Variants in HAVCR2 observed in about 807,000 individuals in gnomAD.
The protein encoded by HAVCR2 is hepatitis A virus cellular receptor 2.
HAVCR2 carries 13 observed loss-of-function variants against 24.7 expected under a neutral mutation model. The observed-to-expected ratio is 0.53, with a 90% confidence interval of 0.34 to 0.84. The LOEUF is 0.84. Ranked by LOEUF, HAVCR2 falls within the 40% of genes least tolerant of loss-of-function variation. The pLI is 0.01. For missense variants in HAVCR2, 343 were observed against 371.2 expected (o/e 0.92, Z 0.62); for synonymous variants, 154 against 143.4 (o/e 1.07, Z -0.53).
intron 6 of HAVCR2, 79 bp from the exon 7 acceptor site, chr5:157,087,373 A>G: frequency 8.1e-7 from 1 of 1,237,580 alleles, no homozygotes; most frequent in Non-Finnish European, 1.1e-6. Flanking sequence ...AGGCTTTCCC[A>G]AAGAGACAGC....
rs768344301 is a variant in HAVCR2 at position 157,106,967 on chromosome 5, A to G, written c.59-5T>C. ...TGTATTCCACTTCTGAGGACCCTGC[A>G]TAGAGAGAGAAGGAGAGCCAAGACT... On this transcript the variant is annotated splice_polypyrimidine_tract_variant and splice_region_variant and intron_variant, in intron 1 of 6. Transcript: ENST00000307851. 1 of 1,602,482 alleles carries G rather than the reference A, an allele frequency of 6.2e-7. No individual in the cohort carries two copies. Among genetic ancestry groups the G allele is most frequent in the Non-Finnish European group, 8.5e-7 (1 of 1,172,962 alleles).
chr5:157,096,197 G>A (rs898743024), intron 4 of HAVCR2, among the ~76,000 whole-genome samples: 4 of 125,226 alleles, frequency 3.2e-5, no homozygotes, highest in South Asian at 2.6e-4. Flanking sequence ...GCCACTGCAC[G>A]CCAACCTGGG....
intron 3 of HAVCR2, among the ~76,000 whole-genome samples, chr5:157,101,816 C>G (rs1581761245): frequency 6.6e-6 from 1 of 150,742 alleles, no homozygotes; most frequent in East Asian, 1.9e-4. Flanking sequence ...CTCTGTTGCC[C>G]AGGTTTGGAG....
At chr5:157,097,975 T>A (rs1039507764) in intron 4 of HAVCR2, among the ~76,000 whole-genome samples, 11 of 151,994 alleles carry the variant, frequency 7.2e-5, no homozygotes, top group Non-Finnish European at 1.5e-4. Context: ...TATTTATAGT[T>A]AAATACATAA....
chr5:157,094,281 C>A (rs2113687465), intron 5 of HAVCR2, among the ~76,000 whole-genome samples: 1 of 152,102 alleles, frequency 6.6e-6, no homozygotes, highest in East Asian at 1.9e-4. Context: ...CTGGGCTCAA[C>A]TGATCCTCTC....
In HAVCR2 at chr5:157,096,529, A is replaced by C. The variant is rs551394867; in HGVS notation, c.523-1070T>G. On this transcript the variant is annotated intron_variant, in intron 4 of 6. Transcript: ENST00000307851. ...TGCGGTGGCTCACGCCTGTAGTCCC[A>C]GCACTTTGGGAGGCCAAGGCAGGCA... Among the ~76,000 whole-genome samples, 34 of 152,282 alleles carry C rather than the reference A, an allele frequency of 2.2e-4. No individual in the cohort carries two copies. The South Asian group carries it at 7.0e-3, about 32-fold the overall frequency.
At chr5:157,087,865 T>C (rs1756937410) in intron 6 of HAVCR2, among the ~76,000 whole-genome samples, 1 of 146,998 alleles carries the variant, frequency 6.8e-6, no homozygotes, top group Non-Finnish European at 1.5e-5. Flanking sequence ...GTTGTGCCAC[T>C]GCACTCCAGC....
chr5:157,097,236 T>C (rs892884585), intron 4 of HAVCR2, among the ~76,000 whole-genome samples: 1 of 150,896 alleles, frequency 6.6e-6, no homozygotes, highest in Non-Finnish European at 1.5e-5. Context: ...GGCTCCTGGA[T>C]ATGCCCTCAA....
intron 4 of HAVCR2, 100 bp downstream of exon 4, chr5:157,098,757 AG>A: frequency 1.9e-6 from 2 of 1,067,504 alleles, no homozygotes; most frequent in Non-Finnish European, 2.8e-6. Context: ...AGGGAACTTA[AG>A]GCTTTTTACC....
intron 5 of HAVCR2, among the ~76,000 whole-genome samples, 183 bp from the exon 6 acceptor site, chr5:157,089,160 T>C (rs1756957351): frequency 6.6e-6 from 1 of 152,176 alleles, no homozygotes; most frequent in South Asian, 2.1e-4. Context: ...AAAATAATAA[T>C]AAAGATGCAT....
chr5:157,098,240 C>G (rs1283786295), intron 4 of HAVCR2, among the ~76,000 whole-genome samples: 9 of 151,788 alleles, frequency 5.9e-5, no homozygotes, highest in Non-Finnish European at 1.2e-4. Flanking sequence ...AACTCCGTCT[C>G]TACTAAAAAT....
At chr5:157,103,344 C>T (rs963914593) in intron 3 of HAVCR2, among the ~76,000 whole-genome samples, 1 of 148,198 alleles carries the variant, frequency 6.7e-6, no homozygotes, top group African/African-American at 2.5e-5. Context: ...GCACTCTAGT[C>T]TGGGTGACAG....
At chr5:157,093,376 C>A (rs574841144) in intron 5 of HAVCR2, among the ~76,000 whole-genome samples, 5 of 152,174 alleles carry the variant, frequency 3.3e-5, no homozygotes, top group African/African-American at 1.2e-4. Flanking sequence ...AGGGTAGTTA[C>A]GAGAATTTAA....
rs915697410 is a variant in HAVCR2, at chr5:157,086,400, G to T, written c.*702C>A. On this transcript the variant is annotated 3_prime_UTR_variant, in exon 7 of 7. Coordinates refer to ENST00000307851, the MANE Select transcript of HAVCR2 (RefSeq NM_032782.5). ...GTGGTGGCTCACGCCTGTAATCCCA[G>T]TGCTTTGGGAGGCCGAGGCAGGCAA... 1 of 152,364 alleles carries T rather than the reference G, an allele frequency of 6.6e-6. No homozygotes were observed. The highest frequency in any genetic ancestry group is 1.5e-5 in the Non-Finnish European group (1 of 68,178). The allele number at this position is 152,364 out of a possible 1,614,324, so 9.4% of individuals were successfully genotyped here.
Position 157,087,130 on chromosome 5 carries a change from G to A in HAVCR2, c.878C>T (p.Pro293Leu). Residue 293 changes from proline (P) to leucine (L), a missense_variant, in exon 7 of 7, where the codon CCT becomes CTT. Coordinates refer to ENST00000307851, the MANE Select transcript of HAVCR2 (RefSeq NM_032782.5). ...TGGCATTGCAAAGCGACAACCCAAA[G>A]GTTGTGAGGGTTGCTGCCTGCTGCT... Reference protein sequence around the residue: ...YVSSRQQPSQPLGCRFAMP With the variant: ...YVSSRQQPSQLLGCRFAMP 3 of 1,613,832 alleles carry A rather than the reference G, an allele frequency of 1.9e-6. No individual in the cohort carries two copies. Among genetic ancestry groups the A allele is most frequent in the Non-Finnish European group, 2.5e-6 (3 of 1,179,964 alleles).
intron 4 of HAVCR2, among the ~76,000 whole-genome samples, chr5:157,098,562 C>T (rs1360436426): frequency 6.6e-6 from 1 of 152,170 alleles, no homozygotes; most frequent in Non-Finnish European, 1.5e-5. Context: ...GAACCTTCCA[C>T]AGGGTAGACA....
intron 5 of HAVCR2, 70 bp downstream of exon 5, chr5:157,095,236 C>A: frequency 2.2e-5 from 34 of 1,545,168 alleles, no homozygotes; most frequent in Non-Finnish European, 2.9e-5. Flanking sequence ...ATTTGCATTT[C>A]TATCTAGGTT....
chr5:157,089,680 C>CT (rs1756967432), intron 5 of HAVCR2, among the ~76,000 whole-genome samples: 1 of 152,122 alleles, frequency 6.6e-6, no homozygotes. Flanking sequence ...CAGAGATGAA[C>CT]TTTAAGCTCG....
At chr5:157,104,783 T>C in intron 2 of HAVCR2, 34 bp from the exon 3 acceptor site, 12 of 1,439,170 alleles carry the variant, frequency 8.3e-6, no homozygotes, top group Non-Finnish European at 1.2e-5. Context: ...ATGAAAATTA[T>C]CTGAGAGCAG....
Sources: gnomAD v4.1 joint callset for allele counts (sites outside exome capture counted in the v4.1 genomes callset) on GRCh38, gnomAD v4.1.1 for gene constraint, MANE v1.5 for transcripts, NCBI Gene and HGNC (gene_info 2026-07-23, HGNC 2026-07-21) for gene names.